Variants in COL4A4 observed in about 807,000 individuals in gnomAD.
The protein encoded by COL4A4 is collagen alpha-4(IV) chain.
COL4A4 carries 105 observed loss-of-function variants against 192.9 expected under a neutral mutation model. The ratio of observed to expected loss-of-function variants is 0.54; its 90% CI spans 0.46 to 0.64. The LOEUF is 0.64. Among genes scored for constraint, COL4A4 ranks in the 30% least tolerant of loss-of-function variants. The probability of loss-of-function intolerance (pLI) is 0.00; values close to 1 mark genes in which losing one functional copy is unlikely to be tolerated. For synonymous variants in COL4A4, 762 were observed against 769.9 expected, an observed-to-expected ratio of 0.99 and a Z score of 0.17; for missense variants, 1,967 against 2,169.3, an observed-to-expected ratio of 0.91 and a Z score of 1.85.
chr2:227,144,452 C>G, intron 3 of COL4A4, 64 bp downstream of exon 3: 1 of 1,426,222 alleles, frequency 7.0e-7, no homozygotes, highest in South Asian at 1.2e-5. Context: ...GAAAGTATAA[C>G]AAAAATTATG....
chr2:227,018,240 G>T (rs1965316097), intron 44 of COL4A4, among the ~76,000 whole-genome samples: 1 of 152,114 alleles, frequency 6.6e-6, no homozygotes, highest in African/African-American at 2.4e-5. Context: ...GTTTTGTTTT[G>T]TTTTGTTTTA....
chr2:227,041,852 A>AAGAAAGAGAGAGAGAGAGAGAG (rs1553633321), intron 37 of COL4A4, among the ~76,000 whole-genome samples: 3 of 71,362 alleles, frequency 4.2e-5, no homozygotes, highest in Non-Finnish European at 8.5e-5. Context: ...AAGAAAGAGA[A>AAGAAAGAGAGAGAGAGAGAGAG]AGAAAGAAAG....
intron 25 of COL4A4, among the ~76,000 whole-genome samples, chr2:227,066,999 T>A: frequency 6.8e-6 from 1 of 146,860 alleles, no homozygotes; most frequent in Non-Finnish European, 1.5e-5. Context: ...ACACATAGGC[T>A]CAAAATAAAA....
rs558394652 is a variant in COL4A4 at position 227,143,173 on chromosome 2, A to G, written c.114+1343T>C. 1.2e-4 allele frequency among the ~76,000 whole-genome samples: 18 copies of G among 152,306 alleles called. No homozygotes were observed. In the South Asian group the frequency reaches 3.7e-3, roughly 32 times the overall value. On this transcript the variant is annotated intron_variant, in intron 3 of 47. Coordinates refer to ENST00000396625, the MANE Select transcript of COL4A4 (RefSeq NM_000092.5). The stretch of plus-strand genomic sequence containing the variant: ...AATTGAAAGTCTTCAAAATCATTCC[A>G]AAGTAATACATATGCCTATCCATCA...
the COL4A4 span, chr2:226,988,338 CA>C: frequency 6.5e-7 from 1 of 1,549,292 alleles, no homozygotes; most frequent in Non-Finnish European, 8.7e-7. Context: ...GCAGGAAAAC[CA>C]GGTCATAAAG....
At chr2:227,075,308 A>T (rs1206883983) in intron 25 of COL4A4, among the ~76,000 whole-genome samples, 1 of 152,198 alleles carries the variant, frequency 6.6e-6, no homozygotes, top group Non-Finnish European at 1.5e-5. Context: ...CACCACGATC[A>T]AGTCTGGGAT....
intron 34 of COL4A4, among the ~76,000 whole-genome samples, chr2:227,047,934 G>C (rs76172186): frequency 6.6e-6 from 1 of 152,138 alleles, no homozygotes; most frequent in East Asian, 1.9e-4. Flanking sequence ...TGTTTTCACT[G>C]CTGCAATCAT....
chr2:226,971,088 A>G, the COL4A4 span, among the ~76,000 whole-genome samples: 1 of 151,920 alleles, frequency 6.6e-6, no homozygotes, highest in Non-Finnish European at 1.5e-5. Flanking sequence ...TTTCTGTTTC[A>G]TTTTGGAACC....
intron 44 of COL4A4, among the ~76,000 whole-genome samples, chr2:227,017,189 C>G (rs1048908053): frequency 6.6e-6 from 1 of 152,190 alleles, no homozygotes; most frequent in Non-Finnish European, 1.5e-5. Flanking sequence ...TGTATAGACT[C>G]ATGGTGAGAT....
At chr2:226,987,080 G>C in the COL4A4 span, among the ~76,000 whole-genome samples, 1 of 152,178 alleles carries the variant, frequency 6.6e-6, no homozygotes, top group Non-Finnish European at 1.5e-5. Context: ...CACAGGAACA[G>C]AAAACCAAAC....
intron 1 of COL4A4, among the ~76,000 whole-genome samples, chr2:227,161,891 C>A (rs571914078): frequency 6.6e-6 from 1 of 151,968 alleles, no homozygotes; most frequent in Non-Finnish European, 1.5e-5. Flanking sequence ...GCATCTCTAC[C>A]ACGTGCCACC....
the COL4A4 span, among the ~76,000 whole-genome samples, chr2:226,989,616 T>G: frequency 6.6e-6 from 1 of 152,182 alleles, no homozygotes; most frequent in African/African-American, 2.4e-5. Flanking sequence ...TTTCTTTTTT[T>G]GGGAGGTGGG....
the COL4A4 span, among the ~76,000 whole-genome samples, chr2:226,984,832 T>G: frequency 6.6e-6 from 1 of 151,032 alleles, no homozygotes; most frequent in Non-Finnish European, 1.5e-5. Flanking sequence ...TAGACAGCAG[T>G]GTGCACTCTG....
rs753356711 is a variant in COL4A4 at position 227,005,949 on chromosome 2, AT to A, written c.*1375del. 7.2e-5 allele frequency: 11 copies of A among 152,236 alleles called. No homozygotes were observed. The highest frequency in any genetic ancestry group is 1.6e-4 in the Non-Finnish European group (11 of 68,048). The allele number at this position is 152,236 out of a possible 1,614,324, so 9.4% of individuals were successfully genotyped here. ...GGGATCTTTTGCTTTACAGAAAAAA[AT>A]AATCATTATAAATTGACACACATTC... On this transcript the variant is annotated 3_prime_UTR_variant, in exon 48 of 48. Transcript: ENST00000396625.
intron 4 of COL4A4, among the ~76,000 whole-genome samples, chr2:227,135,249 T>C (rs79115637): frequency 2.9e-5 from 2 of 69,682 alleles, no homozygotes; most frequent in Non-Finnish European, 8.5e-5. Flanking sequence ...ACCAGCCCCC[T>C]CTAGGACAAA....
rs1454944922 is a variant in COL4A4 at position 227,082,110 on chromosome 2, C to T, written c.1696+5G>A. ...GCAGGGAGTTAAGTGATTGATTATGCTCACCTTTAACTCTTGATACAACCA... is the reference window on the plus strand; with the variant it reads ...GCAGGGAGTTAAGTGATTGATTATGTTCACCTTTAACTCTTGATACAACCA... On this transcript the variant is annotated splice_donor_5th_base_variant and intron_variant, in intron 23 of 47. Coordinates refer to ENST00000396625, the MANE Select transcript of COL4A4 (RefSeq NM_000092.5). 1.9e-6 allele frequency: 3 copies of T among 1,613,820 alleles called. No individual in the cohort carries two copies. Among genetic ancestry groups the T allele is most frequent in the Admixed American group, 3.3e-5 (2 of 60,016 alleles).
chr2:227,008,352 G>T (rs747811319), intron 46 of COL4A4, 48 bp from the exon 47 acceptor site: 2 of 1,596,264 alleles, frequency 1.3e-6, no homozygotes, highest in South Asian at 2.2e-5. Context: ...CCCCATGTAG[G>T]TGTTCCCAGA....
chr2:227,141,690 C>G (rs952862801), intron 3 of COL4A4, among the ~76,000 whole-genome samples: 1 of 152,010 alleles, frequency 6.6e-6, no homozygotes, highest in South Asian at 2.1e-4. Flanking sequence ...GAGAGTCAAG[C>G]GATTAGATAG....
chr2:227,136,445 C>T (rs2062819254), intron 4 of COL4A4, among the ~76,000 whole-genome samples: 1 of 152,124 alleles, frequency 6.6e-6, no homozygotes, highest in Non-Finnish European at 1.5e-5. Context: ...GAATGAGTGG[C>T]CCAACTGCTG....
Sources: allele counts gnomAD v4.1 joint callset (sites outside exome capture counted in the v4.1 genomes callset), GRCh38; gene constraint gnomAD v4.1.1; transcripts MANE v1.5; gene names NCBI Gene and HGNC (gene_info 2026-07-23, HGNC 2026-07-21).